Variants in THNSL2 observed in about 807,000 individuals in gnomAD.
THNSL2 encodes the protein threonine synthase-like 2.
THNSL2 carries 34 observed loss-of-function variants against 40.0 expected under a neutral mutation model. The observed-to-expected ratio is 0.85, with a 90% CI of 0.65 to 1.13. The LOEUF is 1.13. THNSL2 is among the 50% of genes most tolerant of loss of function. The pLI, the probability that THNSL2 is intolerant of heterozygous loss-of-function variation, is 0.00. For synonymous variants in THNSL2, 241 were observed against 247.5 expected (o/e 0.97, Z 0.25); for missense variants, 537 against 608.8 (o/e 0.88, Z 1.24).
At chr2:88,176,859 A>G (rs1366702844) in intron 4 of THNSL2, 2 of 152,230 alleles carry the variant, frequency 1.3e-5, no homozygotes, top group African/African-American at 2.4e-5. Flanking sequence ...AGTTGTTGCA[A>G]GACTTTAGTG....
chr2:88,171,243 T>A, intron 1 of THNSL2: 1 of 456,130 alleles, frequency 2.2e-6, no homozygotes, highest in Non-Finnish European at 4.4e-6. Flanking sequence ...TGAATTGGCC[T>A]GGGAATGCTG....
At chr2:88,170,480 C>T (rs1457962938) in intron 1 of THNSL2, 24 bp downstream of exon 1, 3 of 150,608 alleles carry the variant, frequency 2.0e-5, no homozygotes, top group Non-Finnish European at 3.0e-5. Context: ...ACCTCGCCGC[C>T]CTCCCGGGGT....
intron 1 of THNSL2, chr2:88,171,097 C>A: frequency 3.0e-6 from 1 of 338,816 alleles, no homozygotes; most frequent in Non-Finnish European, 6.0e-6. Flanking sequence ...GGTCTCCATC[C>A]CATGCTTGGA....
chr2:88,182,913 G>A (rs1485883030), intron 6 of THNSL2, 35 bp from the exon 7 acceptor site: 16 of 1,613,272 alleles, frequency 9.9e-6, no homozygotes, highest in Non-Finnish European at 1.3e-5. Context: ...ATGGGGCTGA[G>A]ATCAGTCTGG....
intron 5 of THNSL2, 100 bp downstream of exon 5, chr2:88,179,113 T>C: frequency 8.2e-7 from 1 of 1,218,294 alleles, no homozygotes; most frequent in Non-Finnish European, 1.2e-6. Flanking sequence ...AGAAGGAAGG[T>C]GGAGTCCCAG....
intron 7 of THNSL2, among the ~76,000 whole-genome samples, chr2:88,184,956 G>A: frequency 6.6e-6 from 1 of 152,170 alleles, no homozygotes; most frequent in East Asian, 1.9e-4. Flanking sequence ...GGGCTTCCTG[G>A]GGGAGGTGCT....
chr2:88,186,148 G>A lies in THNSL2; in HGVS notation c.*25G>A, dbSNP rs1188410558. On this transcript the variant is annotated 3_prime_UTR_variant, in exon 9 of 9. Coordinates refer to ENST00000674334, the MANE Select transcript of THNSL2 (RefSeq NM_018271.5). ...GCCTGGCTGGAGGTGGCTTTCTTTA[G>A]GCTTCAGATCCCAGGAAGATGCACC... The A allele has an allele frequency of 1.3e-6, 2 of 1,549,298 alleles. No individual in the cohort carries two copies. The highest frequency in any genetic ancestry group is 2.7e-5 in the African/African-American group (2 of 72,972).
intron 1 of THNSL2, 68 bp downstream of exon 1, chr2:88,170,524 C>T (rs1395578932): frequency 6.6e-6 from 1 of 152,458 alleles, no homozygotes; most frequent in African/African-American, 2.4e-5. Context: ...TCCGGACGCT[C>T]TCGCGGCTCC....
rs200077966 is a variant in THNSL2, at chr2:88,186,004, C to T, written c.1336C>T (p.His446Tyr). Residue 446 changes from histidine (H) to tyrosine (Y), a missense_variant, in exon 9 of 9, where the codon CAC becomes TAC. Coordinates refer to ENST00000674334, the MANE Select transcript of THNSL2 (RefSeq NM_018271.5). ...ETPAEIVALE[H>Y]KETRCTLMRR... ...TCCCGCGGAGATCGTAGCCCTGGAG[C>T]ACAAGGAGACACGCTGCACCCTGAT... 10 of 1,611,208 alleles carry T rather than the reference C, an allele frequency of 6.2e-6. No individual in the cohort carries two copies. The highest frequency in any genetic ancestry group is 8.5e-6 in the Non-Finnish European group (10 of 1,179,010).
chr2:88,182,814 TA>T lies in THNSL2; in HGVS notation c.921del (p.Lys307AsnfsTer30), dbSNP rs1387422257. The T allele has an allele frequency of 1.2e-6, 2 of 1,614,034 alleles. No individual in the cohort carries two copies. Among genetic ancestry groups the T allele is most frequent in the Middle Eastern group, 1.6e-4 (1 of 6,084 alleles). On this transcript the variant is annotated frameshift_variant, in exon 6 of 9. Transcript: ENST00000674334. LOFTEE classifies it high-confidence loss of function. ...QGDFSLSEAV[K>X]STLASAMDIQ... The stretch of plus-strand genomic sequence containing the variant: ...GAGACTTCTCTCTCTCTGAGGCTGT[TA>T]AATCAACCTTGGCATCAGCTATGGA...
chr2:88,174,797 C>A lies in THNSL2; in HGVS notation c.382C>A (p.Leu128Met). Reference protein sequence around the residue: ...SCTTQFLQYFLEKREKHVTVV... With the variant: ...SCTTQFLQYFMEKREKHVTVV... ...CACAACACAGTTCCTGCAGTACTTC[C>A]TGGAGAAGAGGGAGAAGCACGTCAC... Residue 128 changes from leucine to methionine, a missense_variant, in exon 3 of 9, where the codon CTG becomes ATG. Coordinates refer to ENST00000674334, the MANE Select transcript of THNSL2 (RefSeq NM_018271.5). 1 of 1,614,136 alleles carries A rather than the reference C, an allele frequency of 6.2e-7. No individual in the cohort carries two copies. Among genetic ancestry groups the A allele is most frequent in the East Asian group, 2.2e-5 (1 of 44,886 alleles).
At chr2:88,173,850 C>A (rs1008103916) in intron 2 of THNSL2, among the ~76,000 whole-genome samples, 4 of 152,120 alleles carry the variant, frequency 2.6e-5, no homozygotes, top group African/African-American at 9.7e-5. Context: ...TGTTAAAAAC[C>A]AAATTCTGAT....
intron 5 of THNSL2, 147 bp from the exon 6 acceptor site, chr2:88,182,552 C>G (rs1388086074): frequency 2.0e-5 from 18 of 879,674 alleles, no homozygotes; most frequent in Non-Finnish European, 2.7e-5. Context: ...TGCGAGTTGC[C>G]TTTTCATTTT....
chr2:88,177,953 C>G (rs775652046), intron 4 of THNSL2, among the ~76,000 whole-genome samples: 1 of 152,200 alleles, frequency 6.6e-6, no homozygotes, highest in Non-Finnish European at 1.5e-5. Context: ...TCCCCCAGCT[C>G]CATTGCTGCT....
chr2:88,177,844 T>G (rs1016107397), intron 4 of THNSL2, among the ~76,000 whole-genome samples: 1 of 152,188 alleles, frequency 6.6e-6, no homozygotes, highest in African/African-American at 2.4e-5. Flanking sequence ...CCTGACCCCA[T>G]GAGAGTACCA....
At chr2:88,171,365 C>T (rs1676355791) in intron 1 of THNSL2, 1 of 455,988 alleles carries the variant, frequency 2.2e-6, no homozygotes, top group Non-Finnish European at 4.4e-6. Context: ...GTGCCAGCCC[C>T]TCTGTCCTCT....
At chr2:88,172,230 C>T (rs1446500731) in intron 1 of THNSL2, 3 of 152,272 alleles carry the variant, frequency 2.0e-5, no homozygotes, top group Non-Finnish European at 4.4e-5. Context: ...AGCTCCTTGA[C>T]ATGGCATCTG....
At position 88,173,131 on chromosome 2, in the gene THNSL2, C is replaced by G; in HGVS notation, c.-12-8C>G. 6.7e-7 allele frequency: 1 copy of G among 1,500,914 alleles called. No homozygotes were observed. Among genetic ancestry groups the G allele is most frequent in the Non-Finnish European group, 8.9e-7 (1 of 1,121,330 alleles). 93.0% of individuals were successfully genotyped at this position (1,500,914 alleles called of 1,614,324 possible). A position where few individuals can be genotyped will look rare whatever the true frequency, so the allele number is the denominator to read the frequency against. ...GACCAGGTGCTTCTGGGACTGTCCT[C>G]TCTGCAGGCCTCCAGGATCATGTGG... On this transcript the variant is annotated splice_polypyrimidine_tract_variant and splice_region_variant and intron_variant, in intron 1 of 8. Coordinates refer to ENST00000674334, the MANE Select transcript of THNSL2 (RefSeq NM_018271.5).
Position 88,174,826 on chromosome 2 carries a change from G to C in THNSL2, c.411G>C (p.Val137=), listed in dbSNP as rs762579701. 6.2e-7 allele frequency: 1 copy of C among 1,613,864 alleles called. No homozygotes were observed. The highest frequency in any genetic ancestry group is 1.7e-5 in the Admixed American group (1 of 60,028). The change falls in exon 3 of 9, where the codon GTG becomes GTC. Residue 137 remains valine, a synonymous_variant. Coordinates refer to ENST00000674334, the MANE Select transcript of THNSL2 (RefSeq NM_018271.5). ...AGAAGAGGGAGAAGCACGTCACTGTGGTTGTAGGTGTGTTTTTGGGGCACA... is the reference window on the plus strand; with the variant it reads ...AGAAGAGGGAGAAGCACGTCACTGTCGTTGTAGGTGTGTTTTTGGGGCACA... ...FLEKREKHVT[V]VVGTSGDTGS... is the part of the protein sequence containing the mutation.
Sources: allele counts gnomAD v4.1 joint callset (sites outside exome capture counted in the v4.1 genomes callset), GRCh38; gene constraint gnomAD v4.1.1; transcripts MANE v1.5; gene names NCBI Gene and HGNC (gene_info 2026-07-23, HGNC 2026-07-21).